MMP16: variants seen among roughly 807,000 people sequenced by gnomAD.
The protein encoded by MMP16 is matrix metalloproteinase-16.
MMP16 carries 12 observed loss-of-function variants against 67.8 expected under a neutral mutation model. That is an observed-to-expected ratio of 0.18 (90% CI 0.11 to 0.29). The LOEUF (loss-of-function observed/expected upper bound fraction) is 0.29, where lower values mean the gene tolerates loss of function less well. Ranked by LOEUF, MMP16 falls within the 10% of genes least tolerant of loss-of-function variation. MMP16 has a pLI of 1.00. For synonymous variants in MMP16, 249 were observed against 255.9 expected, an observed-to-expected ratio of 0.97 and a Z score of 0.26; for missense variants, 475 against 765.7, an observed-to-expected ratio of 0.62 and a Z score of 4.48.
At chr8:88,295,098 T>A (rs2130028252) in intron 1 of MMP16, among the ~76,000 whole-genome samples, 1 of 152,316 alleles carries the variant, frequency 6.6e-6, no homozygotes, top group South Asian at 2.1e-4. Context: ...GTTGTAAGTA[T>A]CCCCTTTATC....
intron 2 of MMP16, among the ~76,000 whole-genome samples, chr8:88,195,658 G>A (rs1250122135): frequency 6.6e-6 from 1 of 152,146 alleles, no homozygotes; most frequent in Non-Finnish European, 1.5e-5. Context: ...CATTCAGAGA[G>A]AATTGCAGTG....
At chr8:88,279,187 A>G (rs371991046) in intron 1 of MMP16, among the ~76,000 whole-genome samples, 9 of 150,854 alleles carry the variant, frequency 6.0e-5, no homozygotes, top group Middle Eastern at 3.5e-3. Flanking sequence ...GCACCACTGC[A>G]CTCCAGCCTG....
chr8:88,137,143 T>C (rs969743017), intron 4 of MMP16, among the ~76,000 whole-genome samples: 4 of 151,918 alleles, frequency 2.6e-5, no homozygotes, highest in African/African-American at 9.7e-5. Flanking sequence ...TGTTGACAAA[T>C]TTTCATACGC....
intron 4 of MMP16, among the ~76,000 whole-genome samples, chr8:88,162,998 T>A (rs976704409): frequency 1.3e-5 from 2 of 152,074 alleles, no homozygotes; most frequent in African/African-American, 4.8e-5. Flanking sequence ...TTTCCTCAAA[T>A]ATCAAAGTTC....
chr8:88,304,726 T>A (rs11994310), intron 1 of MMP16, among the ~76,000 whole-genome samples: 5,482 of 152,242 alleles, frequency 0.036, 341 homozygotes, highest in African/African-American at 0.12. Context: ...TCAATAAGAT[T>A]CTTTTCAGAC....
chr8:88,242,268 CA>C (rs1476463731), intron 1 of MMP16, among the ~76,000 whole-genome samples: 25 of 152,230 alleles, frequency 1.6e-4, no homozygotes, highest in African/African-American at 5.8e-4. Context: ...TTTTAAAAAT[CA>C]AGATTCATCA....
intron 1 of MMP16, among the ~76,000 whole-genome samples, chr8:88,245,696 T>C (rs963774595): frequency 1.3e-5 from 2 of 152,064 alleles, no homozygotes; most frequent in Non-Finnish European, 2.9e-5. Flanking sequence ...CCCAAGTGGC[T>C]GCAAATTTCA....
chr8:88,258,624 T>A (rs1334448131), intron 1 of MMP16, among the ~76,000 whole-genome samples: 1 of 152,220 alleles, frequency 6.6e-6, no homozygotes, highest in Non-Finnish European at 1.5e-5. Flanking sequence ...CCACACTGCC[T>A]GATGCACTGT....
intron 1 of MMP16, among the ~76,000 whole-genome samples, chr8:88,303,699 C>A (rs1811168274): frequency 6.6e-6 from 1 of 152,176 alleles, no homozygotes; most frequent in South Asian, 2.1e-4. Flanking sequence ...CTGGAGCAGA[C>A]CCCCAGCAAA....
intron 7 of MMP16, among the ~76,000 whole-genome samples, chr8:88,060,862 T>G (rs1022003340): frequency 1.3e-5 from 2 of 151,988 alleles, no homozygotes; most frequent in African/African-American, 4.8e-5. Context: ...TAATATTACA[T>G]GGCTACTCAA....
rs747965900 is a variant in MMP16 at position 88,197,222 on chromosome 8, G to T, written c.217C>A (p.Leu73Ile). 1.9e-6 allele frequency: 3 copies of T among 1,612,014 alleles called. No individual in the cohort carries two copies. In the African/African-American group the frequency reaches 4.0e-5, roughly 22 times the overall value. ...CCATAGAACTGCTGCATGGCAGCTA[G>T]GGCAGACTGCATGGTCTCTGCAGAG... is the stretch of plus-strand genomic sequence containing the variant. The part of the protein sequence containing the change: ...LRSAETMQSA[L>I]AAMQQFYGIN... The change falls in exon 2 of 10, where the codon CTA becomes ATA. Residue 73 changes from leucine to isoleucine, a missense_variant. Leu to Ile is a conservative substitution (Grantham distance 5). Transcript: ENST00000286614.
chr8:88,233,511 G>A (rs541948085), intron 1 of MMP16, among the ~76,000 whole-genome samples: 1 of 152,230 alleles, frequency 6.6e-6, no homozygotes, highest in South Asian at 2.1e-4. Flanking sequence ...TCAGTTCCTT[G>A]ATGGTCAGAT....
chr8:88,217,444 T>C (rs1809612160), intron 1 of MMP16, among the ~76,000 whole-genome samples: 1 of 152,100 alleles, frequency 6.6e-6, no homozygotes, highest in Non-Finnish European at 1.5e-5. Context: ...TCTATATCTA[T>C]ACATTTAAAA....
intron 3 of MMP16, among the ~76,000 whole-genome samples, chr8:88,178,678 T>C (rs1422899307): frequency 6.6e-6 from 1 of 152,176 alleles, no homozygotes; most frequent in Non-Finnish European, 1.5e-5. Flanking sequence ...AAATTTCTCT[T>C]TTTTTAATGT....
In MMP16 at chr8:88,232,778, G is replaced by A. The variant is rs181966207; in HGVS notation, c.133-35472C>T. 5.3e-5 allele frequency among the ~76,000 whole-genome samples: 8 copies of A among 152,268 alleles called. No homozygotes were observed. In the East Asian group the frequency reaches 1.5e-3, roughly 29 times the overall value. On this transcript the variant is annotated intron_variant, in intron 1 of 9. Coordinates refer to ENST00000286614, the MANE Select transcript of MMP16 (RefSeq NM_005941.5). ...AACAGCAAATGGACTTTCAATGTAA[G>A]GTGACAATTTTTTTGAGTAACAGCT...
intron 1 of MMP16, among the ~76,000 whole-genome samples, chr8:88,249,523 C>T (rs527928493): frequency 2.0e-5 from 3 of 152,258 alleles, no homozygotes; most frequent in Non-Finnish European, 2.9e-5. Context: ...CAATGTCTAG[C>T]TTTCTGATTC....
rs567109184 is a variant in MMP16, at chr8:88,289,941, C to G, written c.132+37134G>C. On this transcript the variant is annotated intron_variant, in intron 1 of 9. Coordinates refer to ENST00000286614, the MANE Select transcript of MMP16 (RefSeq NM_005941.5). ...TACCCTGCACTACCCTGCACTGCCC[C>G]CTACTGCCTCCATCCTCTGAAAGCT... Among the ~76,000 whole-genome samples the G allele has an allele frequency of 9.2e-5, 14 of 152,222 alleles. No individual in the cohort carries two copies. In the South Asian group the frequency reaches 1.7e-3, roughly 18 times the overall value.
intron 1 of MMP16, among the ~76,000 whole-genome samples, chr8:88,263,234 T>A (rs972756741): frequency 6.6e-6 from 1 of 151,874 alleles, no homozygotes; most frequent in Non-Finnish European, 1.5e-5. Flanking sequence ...AACATAAAGA[T>A]GCAATTTCCT....
At chr8:88,287,237 G>A (rs1173744255) in intron 1 of MMP16, among the ~76,000 whole-genome samples, 4 of 152,082 alleles carry the variant, frequency 2.6e-5, no homozygotes, top group South Asian at 4.1e-4. Context: ...CTCTCTGAGC[G>A]CCAGCCACCC....
Sources: gnomAD v4.1 joint callset for allele counts (sites outside exome capture counted in the v4.1 genomes callset) on GRCh38, gnomAD v4.1.1 for gene constraint, MANE v1.5 for transcripts, NCBI Gene and HGNC (gene_info 2026-07-23, HGNC 2026-07-21) for gene names.